RNLS: variants seen among roughly 807,000 people sequenced by gnomAD.
The protein encoded by RNLS is renalase, FAD dependent amine oxidase.
Under a neutral mutation model 39.8 loss-of-function variants are expected in RNLS, and 39 were observed. The observed-to-expected ratio is 0.98, with a 90% CI of 0.76 to 1.28. The LOEUF (loss-of-function observed/expected upper bound fraction) is 1.28, where lower values mean the gene tolerates loss of function less well. RNLS is among the 50% of genes most tolerant of loss of function. The probability of loss-of-function intolerance (pLI) is 0.00; values close to 1 mark genes in which losing one functional copy is unlikely to be tolerated. For missense variants in RNLS, 410 were observed against 413.3 expected, an observed-to-expected ratio of 0.99 and a Z score of 0.07; for synonymous variants, 147 against 150.7, an observed-to-expected ratio of 0.98 and a Z score of 0.18.
intron 4 of RNLS, among the ~76,000 whole-genome samples, chr10:88,446,574 TAATA>T (rs1386245485): frequency 2.0e-5 from 3 of 151,856 alleles, no homozygotes; most frequent in Non-Finnish European, 2.9e-5. Context: ...CTAGTAAGAC[TAATA>T]AAGAAGAAAA....
At chr10:88,238,298 T>A in the RNLS span, among the ~76,000 whole-genome samples, 3 of 152,220 alleles carry the variant, frequency 2.0e-5, no homozygotes, top group African/African-American at 4.8e-5. Flanking sequence ...CCAATTTCCT[T>A]GAGCCAGCAG....
the RNLS span, among the ~76,000 whole-genome samples, chr10:88,199,162 G>A: frequency 2.0e-5 from 3 of 152,292 alleles, no homozygotes; most frequent in East Asian, 3.9e-4. Context: ...AGGGGTTCAT[G>A]CCCTTATGTC....
At position 88,381,029 on chromosome 10, in the gene RNLS, T is replaced by TTTAA. The variant is rs1851451033; in HGVS notation, c.527-18308_527-18305dup. On this transcript the variant is annotated intron_variant, in intron 4 of 6. Coordinates refer to ENST00000331772, the MANE Select transcript of RNLS (RefSeq NM_001031709.3). ...CATTACTACAAAAGTGCCATTTTATTTTAATTTATATAGCTTTTTGATATG... is the reference window on the plus strand; with the variant it reads ...CATTACTACAAAAGTGCCATTTTATTTTAATTAATTTATATAGCTTTTTGATATG... 2.0e-5 allele frequency among the ~76,000 whole-genome samples: 3 copies of TTTAA among 152,318 alleles called. No individual in the cohort carries two copies. In the South Asian group the frequency reaches 6.2e-4, roughly 32 times the overall value.
At chr10:88,378,728 T>G (rs1851222966) in intron 4 of RNLS, among the ~76,000 whole-genome samples, 1 of 152,232 alleles carries the variant, frequency 6.6e-6, no homozygotes, top group South Asian at 2.1e-4. Context: ...TATTTGCACA[T>G]GCTATACATA....
rs1347306722 is a variant in RNLS, at chr10:88,284,655, T to C, written c.*699A>G. 22 of 985,056 alleles carry C rather than the reference T, an allele frequency of 2.2e-5. No individual in the cohort carries two copies. The highest frequency in any genetic ancestry group is 2.5e-5 in the Non-Finnish European group (21 of 829,740). The allele number at this position is 985,056 out of a possible 1,614,324, so 61.0% of individuals were successfully genotyped here. A position where few individuals can be genotyped will look rare whatever the true frequency, so the allele number is the denominator to read the frequency against. ...TAAGGATCGATATACTTTCTCTCTG[T>C]TTCTATTTAATTTTTATCTTTCATA... is the stretch of plus-strand genomic sequence containing the variant. On this transcript the variant is annotated 3_prime_UTR_variant, in exon 7 of 7. Transcript: ENST00000331772.
the RNLS span, among the ~76,000 whole-genome samples, chr10:88,252,462 T>C: frequency 4.6e-5 from 7 of 152,194 alleles, no homozygotes; most frequent in Admixed American, 3.9e-4. Context: ...ACTCAGATCA[T>C]GGCCAGACCT....
the RNLS span, among the ~76,000 whole-genome samples, chr10:88,182,422 A>G: frequency 2.6e-5 from 4 of 152,132 alleles, no homozygotes; most frequent in Non-Finnish European, 5.9e-5. Flanking sequence ...CACTGATCAT[A>G]CTTTTTGCTT....
chr10:88,445,680 C>G (rs1180193441), intron 4 of RNLS, among the ~76,000 whole-genome samples: 1 of 152,106 alleles, frequency 6.6e-6, no homozygotes. Flanking sequence ...TCTGATAAAA[C>G]AGACTGTAAA....
At chr10:88,446,669 G>C (rs1201119412) in intron 4 of RNLS, among the ~76,000 whole-genome samples, 1 of 152,044 alleles carries the variant, frequency 6.6e-6, no homozygotes, top group Non-Finnish European at 1.5e-5. Context: ...ACTACCATCA[G>C]AGAATACTAT....
intron 4 of RNLS, among the ~76,000 whole-genome samples, chr10:88,543,773 C>T (rs1848162311): frequency 6.6e-6 from 1 of 152,044 alleles, no homozygotes; most frequent in Non-Finnish European, 1.5e-5. Flanking sequence ...CCAGTGGGTT[C>T]CTACAAGTTA....
chr10:88,234,718 G>A, the RNLS span, among the ~76,000 whole-genome samples: 2 of 152,158 alleles, frequency 1.3e-5, no homozygotes, highest in Non-Finnish European at 2.9e-5. Flanking sequence ...AATTCTAATA[G>A]GGGATAAGGC....
At chr10:88,234,581 G>C in the RNLS span, among the ~76,000 whole-genome samples, 1 of 152,172 alleles carries the variant, frequency 6.6e-6, no homozygotes, top group Admixed American at 6.5e-5. Flanking sequence ...CTGAGGGCCT[G>C]GTAGCCAGGG....
chr10:88,422,111 T>C (rs1854445987), intron 4 of RNLS, among the ~76,000 whole-genome samples: 1 of 152,200 alleles, frequency 6.6e-6, no homozygotes, highest in African/African-American at 2.4e-5. Flanking sequence ...AGGGAGAAGC[T>C]CTATCTTTAT....
intron 4 of RNLS, among the ~76,000 whole-genome samples, chr10:88,400,732 T>C (rs1852861082): frequency 6.6e-6 from 1 of 151,954 alleles, no homozygotes; most frequent in African/African-American, 2.4e-5. Flanking sequence ...TGATGTGCCA[T>C]TTTAAGTACC....
At chr10:88,309,800 G>A (rs925347101) in intron 6 of RNLS, among the ~76,000 whole-genome samples, 3 of 152,264 alleles carry the variant, frequency 2.0e-5, no homozygotes, top group Non-Finnish European at 2.9e-5. Context: ...GGGAGTTTTC[G>A]TTAAGAGGGC....
chr10:88,497,158 T>A (rs1845218754), intron 4 of RNLS, among the ~76,000 whole-genome samples: 1 of 152,020 alleles, frequency 6.6e-6, no homozygotes, highest in African/African-American at 2.4e-5. Context: ...TCAAAGTTGT[T>A]TTGGAAGACA....
intron 6 of RNLS, among the ~76,000 whole-genome samples, chr10:88,290,412 T>C (rs950641546): frequency 5.9e-5 from 9 of 152,228 alleles, no homozygotes; most frequent in African/African-American, 2.2e-4. Context: ...GAAACTAATG[T>C]GATCAGGGAG....
the RNLS span, among the ~76,000 whole-genome samples, chr10:88,228,671 A>T: frequency 6.6e-6 from 1 of 152,030 alleles, no homozygotes; most frequent in Non-Finnish European, 1.5e-5. Flanking sequence ...CCACGAAACT[A>T]CCTTTGTTTT....
intron 5 of RNLS, among the ~76,000 whole-genome samples, chr10:88,315,254 A>G (rs996591143): frequency 6.6e-6 from 1 of 152,188 alleles, no homozygotes; most frequent in Admixed American, 6.5e-5. Context: ...ACATGAAACA[A>G]CTTTCCATTT....
Sources: gnomAD v4.1 joint callset for allele counts (sites outside exome capture counted in the v4.1 genomes callset) on GRCh38, gnomAD v4.1.1 for gene constraint, MANE v1.5 for transcripts, NCBI Gene and HGNC (gene_info 2026-07-23, HGNC 2026-07-21) for gene names.